The following ANKAR variants were observed in gnomAD, a reference collection of about 807,000 sequenced individuals.
The protein encoded by ANKAR is ankyrin and armadillo repeat-containing protein.
In ANKAR, 136 loss-of-function variants were observed where a neutral mutation model predicts 146.2. The ratio of observed to expected loss-of-function variants is 0.93; its 90% confidence interval spans 0.81 to 1.07. ANKAR has a LOEUF of 1.07. Among genes scored for constraint, ANKAR ranks in the 50% least tolerant of loss-of-function variants. The pLI, the probability that ANKAR is intolerant of heterozygous loss-of-function variation, is 0.00. For missense variants in ANKAR, 1,567 were observed against 1,679.9 expected (o/e 0.93, Z 1.18); for synonymous variants, 500 against 575.8 (o/e 0.87, Z 1.88).
intron 11 of ANKAR, 73 bp downstream of exon 11, chr2:189,719,886 C>A (rs2041026630): frequency 3.6e-6 from 5 of 1,399,644 alleles, no homozygotes; most frequent in Admixed American, 2.3e-5. Flanking sequence ...AAAATAGAAA[C>A]CCACGTTACT....
At chr2:189,750,777 G>T (rs2045046501), downstream of ANKAR, 1 of 657,854 alleles carries the variant, frequency 1.5e-6, no homozygotes, top group African/African-American at 1.9e-5. Flanking sequence ...ATCATATGTG[G>T]TGATGATTCT....
chr2:189,685,100 G>C (rs2035352851), intron 2 of ANKAR, among the ~76,000 whole-genome samples: 1 of 151,702 alleles, frequency 6.6e-6, no homozygotes, highest in South Asian at 2.1e-4. Context: ...CAGACTCCTG[G>C]GCTCAAGTGA....
At chr2:189,677,944 G>GTAGA (rs2034010866) in intron 2 of ANKAR, among the ~76,000 whole-genome samples, 2 of 152,124 alleles carry the variant, frequency 1.3e-5, no homozygotes, top group African/African-American at 4.8e-5. Context: ...TTTCCTCTGG[G>GTAGA]TAGATACCTG....
At chr2:189,754,522 C>G (rs2045775558) in intron 18 of ANKAR, 1 of 589,860 alleles carries the variant, frequency 1.7e-6, no homozygotes, top group East Asian at 2.9e-5. Context: ...CAACCCTGTT[C>G]CTTATGATGA....
At chr2:189,762,753 C>G (rs967500537), downstream of ANKAR, 3 of 985,366 alleles carry the variant, frequency 3.0e-6, no homozygotes, top group Admixed American at 1.2e-4. Context: ...CTGCCCTTAT[C>G]GCTGCAGGAG....
At chr2:189,686,446 C>T (rs373413440) in intron 2 of ANKAR, among the ~76,000 whole-genome samples, 3 of 152,128 alleles carry the variant, frequency 2.0e-5, no homozygotes, top group South Asian at 2.1e-4. Context: ...AAATGTAGCA[C>T]GGGAAATTTG....
At chr2:189,718,773 C>T (rs866133678) in intron 10 of ANKAR, among the ~76,000 whole-genome samples, 4 of 140,228 alleles carry the variant, frequency 2.9e-5, no homozygotes, top group South Asian at 4.5e-4. Flanking sequence ...GACGGAGTCT[C>T]GCTCTGTCGC....
intron 7 of ANKAR, among the ~76,000 whole-genome samples, chr2:189,699,985 A>C (rs2037819353): frequency 6.6e-6 from 1 of 152,002 alleles, no homozygotes. Context: ...TATTTTGAAC[A>C]AACTGTTCTC....
chr2:189,750,180 T>A (rs1010297770), downstream of ANKAR, among the ~76,000 whole-genome samples: 3 of 152,042 alleles, frequency 2.0e-5, no homozygotes, highest in Non-Finnish European at 2.9e-5. Context: ...TAAAGTCAGG[T>A]TCTTGTTTCA....
In ANKAR at chr2:189,706,505, G is replaced by T. The variant is rs757680111; in HGVS notation, c.1911-433G>T. Among the ~76,000 whole-genome samples the T allele has an allele frequency of 2.6e-5, 4 of 152,170 alleles. No individual in the cohort carries two copies. In the East Asian group the frequency reaches 5.8e-4, roughly 22 times the overall value. ...AGATAATGGGTTTTCGAGCAAAACT[G>T]TTAGTTTCTGCCACAATGAGGAAGC... On this transcript the variant is annotated intron_variant, in intron 8 of 22. Transcript: ENST00000684021.
At position 189,737,839 on chromosome 2, in the gene ANKAR, C is replaced by A; in HGVS notation, c.3580C>A (p.Gln1194Lys). ...VETEKAMAAF[Q>K]IVVLAKVIRD... is the part of the protein sequence containing the mutation. ...AACTGAGAAGGCAATGGCAGCATTTCAGGTATAAAATTGAGATTAACACCT... is the reference window on the plus strand; with the variant it reads ...AACTGAGAAGGCAATGGCAGCATTTAAGGTATAAAATTGAGATTAACACCT... The change falls in exon 18 of 23, where the codon CAG becomes AAG. Residue 1194 changes from glutamine to lysine, a missense_variant and splice_region_variant. By Grantham distance (53) the Gln-to-Lys change is moderately conservative. Coordinates refer to ENST00000684021, the MANE Select transcript of ANKAR (RefSeq NM_001378068.1). 6.5e-7 allele frequency: 1 copy of A among 1,548,532 alleles called. No homozygotes were observed. The highest frequency in any genetic ancestry group is 1.4e-5 in the African/African-American group (1 of 71,168).
intron 16 of ANKAR, 91 bp from the exon 17 acceptor site, chr2:189,733,016 C>A: frequency 8.1e-7 from 1 of 1,232,772 alleles, no homozygotes; most frequent in Non-Finnish European, 1.1e-6. Flanking sequence ...AGTATCTTTC[C>A]ACAATGTATT....
intron 2 of ANKAR, among the ~76,000 whole-genome samples, chr2:189,678,105 TA>T (rs1274439337): frequency 2.6e-5 from 4 of 152,202 alleles, no homozygotes; most frequent in African/African-American, 9.7e-5. Context: ...CGACATGTAT[TA>T]TTTTTTTATT....
At position 189,730,524 on chromosome 2, in the gene ANKAR, C is replaced by A; in HGVS notation, c.3223C>A (p.Gln1075Lys). Reference sequence around the variant, plus strand: ...AGCCCATACAAGCAATCCTGTCAGTCAACAATTGGTTGTAGATGAAAATGC... The same window carrying A: ...AGCCCATACAAGCAATCCTGTCAGTAAACAATTGGTTGTAGATGAAAATGC... ...GVAHTSNPVS[Q>K]QLVVDENAFP... The change falls in exon 16 of 23, where the codon CAA becomes AAA. Residue 1075 changes from glutamine to lysine, a missense_variant. Gln to Lys is a moderately conservative substitution (Grantham distance 53). Transcript: ENST00000684021. The A allele has an allele frequency of 6.2e-7, 1 of 1,604,282 alleles. No individual in the cohort carries two copies. The highest frequency in any genetic ancestry group is 1.1e-5 in the South Asian group (1 of 89,974).
chr2:189,754,224 T>C (rs769025061), intron 18 of ANKAR: 2 of 1,613,810 alleles, frequency 1.2e-6, no homozygotes, highest in African/African-American at 1.3e-5. Flanking sequence ...TTTAGCATGA[T>C]GCAAGGGAGG....
chr2:189,737,702 G>A lies in ANKAR; in HGVS notation c.3443G>A (p.Gly1148Asp). 1 of 1,594,344 alleles carries A rather than the reference G, an allele frequency of 6.3e-7. No individual in the cohort carries two copies. Among genetic ancestry groups the A allele is most frequent in the African/African-American group, 1.4e-5 (1 of 73,900 alleles). ...TTTTAGGATATTTGCTTAAGAGCAG[G>A]CTATGCATTAACACTTTTTGCCTTC... ...STEKDICLRA[G>D]YALTLFAFNN... Residue 1148 changes from glycine (G) to aspartate (D), a missense_variant, in exon 18 of 23, where the codon GGC becomes GAC. Coordinates refer to ENST00000684021, the MANE Select transcript of ANKAR (RefSeq NM_001378068.1).
downstream of ANKAR, chr2:189,761,313 AAAGGAAT>A: frequency 8.2e-7 from 1 of 1,217,736 alleles, no homozygotes; most frequent in East Asian, 2.6e-5. Context: ...GTGTTTGCAA[AAAGGAAT>A]AAGACAGTAG....
chr2:189,687,388 A>T (rs982518580), intron 2 of ANKAR, among the ~76,000 whole-genome samples: 1 of 152,110 alleles, frequency 6.6e-6, no homozygotes, highest in Non-Finnish European at 1.5e-5. Flanking sequence ...GTTGCTTCCA[A>T]ATCTTGATTA....
chr2:189,723,343 T>C (rs1286872666), intron 12 of ANKAR, among the ~76,000 whole-genome samples: 6 of 152,206 alleles, frequency 3.9e-5, no homozygotes, highest in Admixed American at 3.9e-4. Context: ...CTTATATACA[T>C]ATATTCATGT....
Sources: gnomAD v4.1 joint callset for allele counts (sites outside exome capture counted in the v4.1 genomes callset) on GRCh38, gnomAD v4.1.1 for gene constraint, MANE v1.5 for transcripts, NCBI Gene and HGNC (gene_info 2026-07-23, HGNC 2026-07-21) for gene names.